CACNA1B: variants seen among roughly 807,000 people sequenced by gnomAD.
The protein encoded by CACNA1B is voltage-dependent N-type calcium channel subunit alpha-1B.
A neutral mutation model predicts 247.2 loss-of-function variants in CACNA1B; 70 were observed. The ratio of observed to expected loss-of-function variants is 0.28; its 90% CI spans 0.23 to 0.35. CACNA1B has a LOEUF of 0.35. CACNA1B is among the 10% of genes least tolerant of loss of function. The probability of loss-of-function intolerance (pLI) is 1.00; values close to 1 mark genes in which losing one functional copy is unlikely to be tolerated. For synonymous variants in CACNA1B, 1,231 were observed against 1,294.4 expected, an observed-to-expected ratio of 0.95 and a Z score of 1.05; for missense variants, 2,367 against 3,197.4, an observed-to-expected ratio of 0.74 and a Z score of 6.26.
rs763950137 is a variant in CACNA1B, at chr9:137,882,057, G to T, written c.391-687G>T. ...CAGGGTCCTCACAGATGTGGCGGTCGTCGCTCAGCACACTCAGGGCTGAGG... is the reference window on the plus strand; with the variant it reads ...CAGGGTCCTCACAGATGTGGCGGTCTTCGCTCAGCACACTCAGGGCTGAGG... On this transcript the variant is annotated intron_variant, in intron 2 of 46. Coordinates refer to ENST00000371372, the MANE Select transcript of CACNA1B (RefSeq NM_000718.4). The surrounding 1 kb of genome is among the most constrained non-coding windows in gnomAD (Gnocchi z 4.0). Among the ~76,000 whole-genome samples the T allele has an allele frequency of 6.6e-6, 1 of 152,186 alleles. No homozygotes were observed. The highest frequency in any genetic ancestry group is 1.5e-5 in the Non-Finnish European group (1 of 68,034).
Position 138,010,545 on chromosome 9 carries a change from C to T in CACNA1B, c.2160+468C>T, listed in dbSNP as rs1958711236. ...ATGACACAGTCCCCTCCTGGTCATGCTCTCCCCAGCCCTGGACACTTGTAG... is the reference window on the plus strand; with the variant it reads ...ATGACACAGTCCCCTCCTGGTCATGTTCTCCCCAGCCCTGGACACTTGTAG... On this transcript the variant is annotated intron_variant, in intron 17 of 46. Transcript: ENST00000371372. This position sits in a 1 kb window ranked among gnomAD's most constrained non-coding sequence, Gnocchi z 5.3. 6.6e-6 allele frequency among the ~76,000 whole-genome samples: 1 copy of T among 152,188 alleles called. No homozygotes were observed. Among genetic ancestry groups the T allele is most frequent in the Admixed American group, 6.5e-5 (1 of 15,286 alleles).
rs1480773960 is a variant in CACNA1B at position 137,880,762 on chromosome 9, CTGGGA to C, written c.390+1607_390+1611del. On this transcript the variant is annotated intron_variant, in intron 2 of 46. Transcript: ENST00000371372. This position sits in a 1 kb window ranked among gnomAD's most constrained non-coding sequence, Gnocchi z 4.8. ...GTGCAGGCCCAGCCATTGATGTCCC[CTGGGA>C]TGGAGGGGAGGCTGTGCTGCTGCCC... Among the ~76,000 whole-genome samples, 2 of 152,140 alleles carry C rather than the reference CTGGGA, an allele frequency of 1.3e-5. No homozygotes were observed. The highest frequency in any genetic ancestry group is 2.9e-5 in the Non-Finnish European group (2 of 68,012).
Position 137,955,654 on chromosome 9 carries a change from G to A in CACNA1B, c.1071-44G>A. 7.6e-7 allele frequency: 1 copy of A among 1,307,578 alleles called. No homozygotes were observed. Among genetic ancestry groups the A allele is most frequent in the South Asian group, 1.2e-5 (1 of 81,346 alleles). 81.0% of individuals were successfully genotyped at this position (1,307,578 alleles called of 1,614,324 possible). A position where few individuals can be genotyped will look rare whatever the true frequency, so the allele number is the denominator to read the frequency against. On this transcript the variant is annotated intron_variant, in intron 7 of 46. Coordinates refer to ENST00000371372, the MANE Select transcript of CACNA1B (RefSeq NM_000718.4). The surrounding 1 kb of genome is among the most constrained non-coding windows in gnomAD (Gnocchi z 6.9). ...GTCTCTGGGGCTGCACACCTGTGGG[G>A]CTTGCACTCACCTGATCTTGCTTTT...
At chr9:138,006,402 C>T (rs1958651029) in intron 15 of CACNA1B, among the ~76,000 whole-genome samples, 1 of 152,178 alleles carries the variant, frequency 6.6e-6, no homozygotes, top group African/African-American at 2.4e-5. Context: ...CCTCGGCTTC[C>T]TTGACTGCAG....
chr9:138,058,795 G>A lies in CACNA1B; in HGVS notation c.4473+62G>A. On this transcript the variant is annotated intron_variant, in intron 29 of 46. Coordinates refer to ENST00000371372, the MANE Select transcript of CACNA1B (RefSeq NM_000718.4). This position sits in a 1 kb window ranked among gnomAD's most constrained non-coding sequence, Gnocchi z 4.7. ...GCTAGGGATTGGGATCTAACCCTGAGGCTGAGTGGAGAGTCAGCCTTCTTC... is the reference window on the plus strand; with the variant it reads ...GCTAGGGATTGGGATCTAACCCTGAAGCTGAGTGGAGAGTCAGCCTTCTTC... 6.9e-7 allele frequency: 1 copy of A among 1,452,562 alleles called. No homozygotes were observed. 90.0% of individuals were successfully genotyped at this position (1,452,562 alleles called of 1,614,324 possible). A position where few individuals can be genotyped will look rare whatever the true frequency, so the allele number is the denominator to read the frequency against.
chr9:138,088,865 AG>A (rs1255846904), intron 36 of CACNA1B, among the ~76,000 whole-genome samples: 7 of 144,250 alleles, frequency 4.9e-5, no homozygotes, highest in Admixed American at 2.2e-4. Context: ...AGGCTGAGGC[AG>A]GGGACTTTCT....
chr9:138,106,777 A>C (rs1352367454), intron 39 of CACNA1B, among the ~76,000 whole-genome samples: 19 of 152,134 alleles, frequency 1.2e-4, no homozygotes, highest in Non-Finnish European at 2.6e-4. Context: ...ACAACCAAAA[A>C]AGTTATCTTC....
intron 10 of CACNA1B, among the ~76,000 whole-genome samples, chr9:137,967,384 C>T (rs1470717797): frequency 6.6e-6 from 1 of 152,210 alleles, no homozygotes; most frequent in African/African-American, 2.4e-5. Flanking sequence ...TGACTGTCGC[C>T]CGTCCCTTCA....
chr9:137,908,900 G>A (rs950583251), intron 3 of CACNA1B, among the ~76,000 whole-genome samples: 4 of 152,028 alleles, frequency 2.6e-5, no homozygotes, highest in Non-Finnish European at 5.9e-5. Flanking sequence ...CAAAGTGCTG[G>A]GATTATGGGC....
chr9:138,067,146 A>G (rs1400910555), intron 31 of CACNA1B, among the ~76,000 whole-genome samples: 1 of 152,228 alleles, frequency 6.6e-6, no homozygotes, highest in Admixed American at 6.5e-5. Context: ...ACATTACTAG[A>G]AAAATATAAA....
chr9:138,087,127 T>A (rs1960717248), intron 36 of CACNA1B, among the ~76,000 whole-genome samples: 1 of 151,052 alleles, frequency 6.6e-6, no homozygotes, highest in African/African-American at 2.5e-5. Context: ...AGCTCACGCC[T>A]GTAATCCCAG....
intron 12 of CACNA1B, among the ~76,000 whole-genome samples, chr9:137,982,796 G>A (rs962696803): frequency 2.6e-5 from 4 of 152,222 alleles, no homozygotes; most frequent in Admixed American, 2.6e-4. Context: ...TGGCAAGACT[G>A]GGGTGGCAAG....
In CACNA1B at chr9:138,010,741, C is replaced by T. The variant is rs1958713706; in HGVS notation, c.2160+664C>T. ...GTCACCATGTATGTGTCACTGTGTG[C>T]CCTCTTCTGCCTGTGCACCATCCCT... On this transcript the variant is annotated intron_variant, in intron 17 of 46. Transcript: ENST00000371372. The surrounding 1 kb of genome is among the most constrained non-coding windows in gnomAD (Gnocchi z 5.3). Among the ~76,000 whole-genome samples the T allele has an allele frequency of 6.6e-6, 1 of 152,172 alleles. No homozygotes were observed. Among genetic ancestry groups the T allele is most frequent in the Non-Finnish European group, 1.5e-5 (1 of 68,022 alleles).
chr9:137,983,411 G>A (rs956075722), intron 12 of CACNA1B, among the ~76,000 whole-genome samples: 1 of 152,150 alleles, frequency 6.6e-6, no homozygotes, highest in South Asian at 2.1e-4. Context: ...AGCCCCACTG[G>A]TCTGTCCTTT....
chr9:137,994,981 G>A (rs1446790029), intron 15 of CACNA1B, among the ~76,000 whole-genome samples: 2 of 152,070 alleles, frequency 1.3e-5, no homozygotes, highest in African/African-American at 4.8e-5. Flanking sequence ...AAGGCGGGCA[G>A]ATTACCTGAG....
intron 6 of CACNA1B, among the ~76,000 whole-genome samples, chr9:137,918,056 G>A (rs1957432722): frequency 6.6e-6 from 1 of 152,230 alleles, no homozygotes; most frequent in Admixed American, 6.5e-5. Flanking sequence ...TTCTTAGAGT[G>A]GAGCCTGTGG....
intron 3 of CACNA1B, among the ~76,000 whole-genome samples, chr9:137,908,821 C>T (rs184014158): frequency 1.1e-4 from 17 of 150,584 alleles, no homozygotes; most frequent in African/African-American, 2.7e-4. Flanking sequence ...TTAGTACAGT[C>T]GGGGTTTCAC....
Position 138,073,982 on chromosome 9 carries a change from C to A in CACNA1B, c.4792-19C>A, listed in dbSNP as rs199743584. 2.0e-5 allele frequency: 32 copies of A among 1,607,502 alleles called. No homozygotes were observed. Among genetic ancestry groups the A allele is most frequent in the Non-Finnish European group, 2.6e-5 (31 of 1,177,824 alleles). ...GTGGCTGGGAGGTGCCTGTAGCTGA[C>A]CGGCCCCTGTCTCCGCAGGCCCTGC... is the stretch of plus-strand genomic sequence containing the variant. On this transcript the variant is annotated intron_variant, in intron 33 of 46. Coordinates refer to ENST00000371372, the MANE Select transcript of CACNA1B (RefSeq NM_000718.4). This position sits in a 1 kb window ranked among gnomAD's most constrained non-coding sequence, Gnocchi z 6.4.
chr9:138,084,166 A>T (rs1960618874), intron 36 of CACNA1B, among the ~76,000 whole-genome samples: 1 of 150,974 alleles, frequency 6.6e-6, no homozygotes, highest in Non-Finnish European at 1.5e-5. Context: ...ACGTACACCC[A>T]ACTCTGCCCC....
Sources: allele counts gnomAD v4.1 joint callset (sites outside exome capture counted in the v4.1 genomes callset), GRCh38; gene constraint gnomAD v4.1.1; non-coding constraint Gnocchi (gnomAD v3.1); transcripts MANE v1.5; gene names NCBI Gene and HGNC (gene_info 2026-07-23, HGNC 2026-07-21).